Variants in RNF220 observed in about 807,000 individuals in gnomAD.
The protein encoded by RNF220 is ring finger protein 220.
In RNF220, 7 loss-of-function variants were observed where a neutral mutation model predicts 67.1. The observed-to-expected ratio is 0.10, with a 90% confidence interval of 0.06 to 0.20. The LOEUF (loss-of-function observed/expected upper bound fraction) is 0.20, where lower values mean the gene tolerates loss of function less well. RNF220 is among the 10% of genes least tolerant of loss of function. The probability of loss-of-function intolerance (pLI) is 1.00; values close to 1 mark genes in which losing one functional copy is unlikely to be tolerated. For synonymous variants in RNF220, 270 were observed against 283.2 expected, an observed-to-expected ratio of 0.95 and a Z score of 0.47; for missense variants, 565 against 740.3, an observed-to-expected ratio of 0.76 and a Z score of 2.75.
intron 2 of RNF220, among the ~76,000 whole-genome samples, chr1:44,520,244 C>A (rs186573502): frequency 7.2e-5 from 11 of 151,874 alleles, no homozygotes; most frequent in Admixed American, 2.6e-4. Flanking sequence ...AGGCGGATCA[C>A]GAGGTCAGGA....
intron 2 of RNF220, among the ~76,000 whole-genome samples, chr1:44,571,595 T>C (rs149294939): frequency 6.6e-6 from 1 of 152,352 alleles, no homozygotes; most frequent in East Asian, 1.9e-4. Context: ...AATGAATGAA[T>C]GTTTGCTCTG....
chr1:44,414,315 T>G (rs549158590), intron 2 of RNF220, among the ~76,000 whole-genome samples: 96 of 152,366 alleles, frequency 6.3e-4, no homozygotes, highest in Admixed American at 1.8e-3. Flanking sequence ...CTGCCTTGTG[T>G]TAGGGTGTGA....
At chr1:44,581,085 G>A (rs941304326) in intron 2 of RNF220, among the ~76,000 whole-genome samples, 1 of 152,236 alleles carries the variant, frequency 6.6e-6, no homozygotes, top group African/African-American at 2.4e-5. Context: ...GAGAGAGAGT[G>A]TCCGGAAGGA....
intron 2 of RNF220, among the ~76,000 whole-genome samples, chr1:44,460,682 G>C (rs530347901): frequency 1.3e-5 from 2 of 152,328 alleles, no homozygotes; most frequent in South Asian, 4.1e-4. Flanking sequence ...AGCTTCCCCA[G>C]ACAAGCGCCC....
chr1:44,557,812 C>T lies in RNF220; in HGVS notation c.626-56353C>T, dbSNP rs188352485. The stretch of plus-strand genomic sequence containing the variant: ...GATCTTGTGAATAAGTTTCTAGTCA[C>T]CTTCTCTACACCATTTGTGATTTGT... On this transcript the variant is annotated intron_variant, in intron 2 of 14. Transcript: ENST00000361799. 5.9e-5 allele frequency among the ~76,000 whole-genome samples: 9 copies of T among 152,316 alleles called. No homozygotes were observed. In the East Asian group the frequency reaches 1.7e-3, roughly 29 times the overall value.
intron 2 of RNF220, among the ~76,000 whole-genome samples, chr1:44,495,307 C>G (rs1657240053): frequency 6.6e-6 from 1 of 151,248 alleles, no homozygotes; most frequent in African/African-American, 2.4e-5. Flanking sequence ...TAGACTACCA[C>G]AGTGCTTGGC....
chr1:44,644,157 A>G (rs1213773672), intron 8 of RNF220: 1 of 155,978 alleles, frequency 6.4e-6, no homozygotes, highest in East Asian at 1.9e-4. Context: ...CGCTTCAGAC[A>G]CCAAATATTT....
At chr1:44,461,321 A>G (rs1048035722) in intron 2 of RNF220, among the ~76,000 whole-genome samples, 1 of 152,014 alleles carries the variant, frequency 6.6e-6, no homozygotes, top group Non-Finnish European at 1.5e-5. Context: ...TCCTTTAAAG[A>G]CCCTGGAAGA....
chr1:44,582,968 TGCCCTCCAGCCTGG>T (rs770863256), intron 2 of RNF220, among the ~76,000 whole-genome samples: 29 of 152,126 alleles, frequency 1.9e-4, no homozygotes, highest in Non-Finnish European at 3.8e-4. Context: ...ATCACGCCAT[TGCCCTCCAGCCTGG>T]GCAACAAGAG....
intron 2 of RNF220, among the ~76,000 whole-genome samples, chr1:44,415,972 A>G (rs1181155525): frequency 6.6e-6 from 1 of 152,172 alleles, no homozygotes; most frequent in African/African-American, 2.4e-5. Context: ...TTTTGTGGTT[A>G]AACATGCATT....
At chr1:44,527,523 G>A (rs1005318190) in intron 2 of RNF220, among the ~76,000 whole-genome samples, 21 of 152,066 alleles carry the variant, frequency 1.4e-4, no homozygotes, top group Non-Finnish European at 3.1e-4. Context: ...CTCGAGATGC[G>A]GAGATGAGAG....
intron 3 of RNF220, among the ~76,000 whole-genome samples, chr1:44,616,901 G>A (rs1039117118): frequency 2.0e-5 from 3 of 152,058 alleles, no homozygotes; most frequent in African/African-American, 4.8e-5. Context: ...CAATGTCCAG[G>A]GCATGCACTT....
At chr1:44,493,634 T>C (rs931325908) in intron 2 of RNF220, among the ~76,000 whole-genome samples, 2 of 152,148 alleles carry the variant, frequency 1.3e-5, no homozygotes, top group African/African-American at 4.8e-5. Flanking sequence ...CAAAAACACT[T>C]GTGATCCTAA....
intron 2 of RNF220, among the ~76,000 whole-genome samples, chr1:44,498,999 A>G (rs553464847): frequency 6.6e-6 from 1 of 152,056 alleles, no homozygotes; most frequent in African/African-American, 2.4e-5. Context: ...CCTTCCTAAT[A>G]ACCAACTTAA....
intron 2 of RNF220, among the ~76,000 whole-genome samples, chr1:44,476,086 C>T (rs942835825): frequency 6.6e-5 from 10 of 151,118 alleles, no homozygotes; most frequent in African/African-American, 2.4e-4. Flanking sequence ...AGTTCCAAAA[C>T]AAGCAAAACT....
chr1:44,594,017 G>A (rs1378507065), intron 2 of RNF220, among the ~76,000 whole-genome samples: 1 of 151,288 alleles, frequency 6.6e-6, no homozygotes, highest in African/African-American at 2.4e-5. Context: ...CCTGGGAGGC[G>A]GAGGTTGCAG....
Position 44,650,995 on chromosome 1 carries a change from G to A in RNF220, c.*220G>A, listed in dbSNP as rs1644775046. The A allele has an allele frequency of 1.9e-6, 1 of 525,380 alleles. No individual in the cohort carries two copies. Among genetic ancestry groups the A allele is most frequent in the African/African-American group, 1.9e-5 (1 of 52,240 alleles). 32.5% of individuals were successfully genotyped at this position (525,380 alleles called of 1,614,324 possible). On this transcript the variant is annotated 3_prime_UTR_variant, in exon 15 of 15. Coordinates refer to ENST00000361799, the MANE Select transcript of RNF220 (RefSeq NM_018150.4). This position sits in a 1 kb window ranked among gnomAD's most constrained non-coding sequence, Gnocchi z 4.3. The stretch of plus-strand genomic sequence containing the variant: ...CACTACCTGCTGGCTCCCACCTATG[G>A]TTTGGGGGCCATACCTGTTCCAGCT...
chr1:44,504,133 C>T (rs1658198208), intron 2 of RNF220, among the ~76,000 whole-genome samples: 1 of 152,090 alleles, frequency 6.6e-6, no homozygotes, highest in Non-Finnish European at 1.5e-5. Flanking sequence ...CAGGCATGAG[C>T]CACCGTGCCC....
At chr1:44,504,035 G>A (rs1007366061) in intron 2 of RNF220, among the ~76,000 whole-genome samples, 1 of 152,078 alleles carries the variant, frequency 6.6e-6, no homozygotes. Context: ...ATTTTTAGTA[G>A]AGATGGGTTT....
Sources: allele counts gnomAD v4.1 joint callset (sites outside exome capture counted in the v4.1 genomes callset), GRCh38; gene constraint gnomAD v4.1.1; non-coding constraint Gnocchi (gnomAD v3.1); transcripts MANE v1.5; gene names NCBI Gene and HGNC (gene_info 2026-07-23, HGNC 2026-07-21).